The following SDS variants were observed in gnomAD, a reference collection of about 807,000 sequenced individuals.
SDS encodes the protein serine dehydratase.
SDS carries 19 observed loss-of-function variants against 29.3 expected under a neutral mutation model. That is an observed-to-expected ratio of 0.65 (90% CI 0.45 to 0.95). SDS has a LOEUF of 0.95. Among genes scored for constraint, SDS ranks in the 40% least tolerant of loss-of-function variants. The pLI is 0.00. For missense variants in SDS, 375 were observed against 439.9 expected, an observed-to-expected ratio of 0.85 and a Z score of 1.32; for synonymous variants, 176 against 189.0, an observed-to-expected ratio of 0.93 and a Z score of 0.56.
Position 113,398,815 on chromosome 12 carries a change from C to T in SDS, c.225G>A (p.Ala75=), listed in dbSNP as rs755465185. Residue 75 remains alanine (A), a synonymous_variant, in exon 4 of 8, where the codon GCG becomes GCA. Coordinates refer to ENST00000257549, the MANE Select transcript of SDS (RefSeq NM_006843.3). The part of the protein sequence containing the change: ...AGNAGMAAAY[A]ARQLGVPATI... ...TGGCGGGGACGCCGAGTTGCCTGGC[C>T]GCATATGCAGCCGCCATGCCTGCGT... 2.0e-5 allele frequency: 32 copies of T among 1,609,538 alleles called. No homozygotes were observed. The highest frequency in any genetic ancestry group is 6.7e-5 in the Admixed American group (4 of 59,414).
Sources: gnomAD v4.1 joint callset for allele counts on GRCh38, gnomAD v4.1.1 for gene constraint, MANE v1.5 for transcripts, NCBI Gene and HGNC (gene_info 2026-07-23, HGNC 2026-07-21) for gene names.